The following PSME4 variants were observed in gnomAD, a reference collection of about 807,000 sequenced individuals.
PSME4 encodes the protein proteasome activator complex subunit 4.
Under a neutral mutation model 253.9 loss-of-function variants are expected in PSME4, and 89 were observed. That is an observed-to-expected ratio of 0.35 (90% CI 0.30 to 0.42). The LOEUF is 0.42. Among genes scored for constraint, PSME4 ranks in the 10% least tolerant of loss-of-function variants. The pLI is 1.00. For missense variants in PSME4, 2,014 were observed against 2,195.2 expected (o/e 0.92, Z 1.65); for synonymous variants, 851 against 759.2 (o/e 1.12, Z -1.99).
intron 1 of PSME4, among the ~76,000 whole-genome samples, chr2:53,964,707 A>G (rs1247419013): frequency 3.3e-5 from 5 of 152,188 alleles, no homozygotes; most frequent in African/African-American, 1.2e-4. Flanking sequence ...TTCTTTCCCA[A>G]CACGGGGATG....
At chr2:53,940,988 T>TTTAA (rs1669423654) in intron 3 of PSME4, among the ~76,000 whole-genome samples, 3 of 90,350 alleles carry the variant, frequency 3.3e-5, no homozygotes, top group South Asian at 3.9e-4. Flanking sequence ...TATATATATA[T>TTTAA]ATATATATAT....
chr2:53,955,378 G>A (rs1670183676), intron 1 of PSME4, among the ~76,000 whole-genome samples: 1 of 152,032 alleles, frequency 6.6e-6, no homozygotes, highest in African/African-American at 2.4e-5. Flanking sequence ...TAGGTTTTCT[G>A]CAATTTTTTA....
intron 3 of PSME4, among the ~76,000 whole-genome samples, chr2:53,944,527 ATAC>A (rs1669612769): frequency 6.6e-6 from 1 of 152,212 alleles, no homozygotes; most frequent in Non-Finnish European, 1.5e-5. Context: ...TGTTCTCCAA[ATAC>A]TACATTAAAA....
chr2:53,959,279 C>T (rs902825755), intron 1 of PSME4, among the ~76,000 whole-genome samples: 2 of 152,010 alleles, frequency 1.3e-5, no homozygotes, highest in Non-Finnish European at 2.9e-5. Context: ...GCAGGAGAAT[C>T]GCTGGAACCC....
chr2:53,919,370 C>A, intron 19 of PSME4, 124 bp from the exon 20 acceptor site: 1 of 1,268,024 alleles, frequency 7.9e-7, no homozygotes, highest in Non-Finnish European at 1.0e-6. Context: ...TAGCAAATGT[C>A]TTCAGTTTAC....
At chr2:53,876,111 TAATATAAAATATGTGGCG>T (rs1460198537) in intron 41 of PSME4, among the ~76,000 whole-genome samples, 7 of 152,242 alleles carry the variant, frequency 4.6e-5, no homozygotes, top group African/African-American at 1.7e-4. Flanking sequence ...GTTACAGTTA[TAATATAAAATATGTGGCG>T]GTACTCAGAT....
intron 4 of PSME4, among the ~76,000 whole-genome samples, chr2:53,938,857 T>G (rs113678747): frequency 1.4e-4 from 21 of 152,214 alleles, no homozygotes; most frequent in Non-Finnish European, 2.5e-4. Flanking sequence ...TGTAACAGGT[T>G]GGAATTTTAA....
chr2:53,957,303 T>C (rs997708100), intron 1 of PSME4, among the ~76,000 whole-genome samples: 3 of 152,246 alleles, frequency 2.0e-5, no homozygotes, highest in Non-Finnish European at 2.9e-5. Context: ...ACTTTATTTC[T>C]ATTATTATTA....
chr2:53,955,911 C>T (rs960730707), intron 1 of PSME4, among the ~76,000 whole-genome samples: 15 of 151,926 alleles, frequency 9.9e-5, no homozygotes, highest in African/African-American at 3.1e-4. Context: ...AACAGTGAGA[C>T]CTTAGTCCCC....
At chr2:53,904,715 G>A (rs189785186) in intron 26 of PSME4, among the ~76,000 whole-genome samples, 63 of 152,228 alleles carry the variant, frequency 4.1e-4, no homozygotes, top group East Asian at 1.9e-3. Flanking sequence ...TAGGATGGGC[G>A]CAGTGGCTCA....
chr2:53,950,445 G>C (rs1276621613), intron 1 of PSME4, among the ~76,000 whole-genome samples: 2 of 152,024 alleles, frequency 1.3e-5, no homozygotes, highest in East Asian at 3.8e-4. Context: ...ATACAATTAG[G>C]TTATACCAAA....
At position 53,890,188 on chromosome 2, in the gene PSME4, A is replaced by G; in HGVS notation, c.4212T>C (p.Leu1404=). The G allele has an allele frequency of 6.2e-7, 1 of 1,613,002 alleles. No individual in the cohort carries two copies. Among genetic ancestry groups the G allele is most frequent in the Non-Finnish European group, 8.5e-7 (1 of 1,179,650 alleles). The change falls in exon 37 of 47, where the codon CTT becomes CTC. Residue 1404 remains leucine (L), a synonymous_variant. Coordinates refer to ENST00000404125, the MANE Select transcript of PSME4 (RefSeq NM_014614.3). ...TFEKVEKLWE[L]LCPLLRTALS... is the part of the protein sequence containing the mutation. ...GTGCTGTTCTAAGCAGAGGGCACAG[A>G]AGCTCCCAAAGCTTCTCCACCTACT...
intron 16 of PSME4, 56 bp from the exon 17 acceptor site, chr2:53,922,640 G>C: frequency 6.4e-7 from 1 of 1,557,102 alleles, no homozygotes; most frequent in Non-Finnish European, 8.7e-7. Context: ...ACTAAATATA[G>C]CATTTTAAAA....
chr2:53,873,157 C>T (rs1054492156), intron 43 of PSME4, among the ~76,000 whole-genome samples: 5 of 148,296 alleles, frequency 3.4e-5, no homozygotes, highest in South Asian at 2.1e-4. Context: ...AGGAGAATGG[C>T]GTGAACCCAG....
In PSME4 at chr2:53,898,012, A is replaced by C; in HGVS notation, c.3477-13T>G. On this transcript the variant is annotated splice_polypyrimidine_tract_variant and intron_variant, in intron 30 of 46. Transcript: ENST00000404125. ...AAATTTCCAGGGCCTTAAAAGGAGG[A>C]AAAATAACAAAGCATATCACACATA... 4 of 1,609,444 alleles carry C rather than the reference A, an allele frequency of 2.5e-6. No individual in the cohort carries two copies. The highest frequency in any genetic ancestry group is 3.4e-6 in the Non-Finnish European group (4 of 1,178,502).
At chr2:53,955,481 C>T (rs920630620) in intron 1 of PSME4, among the ~76,000 whole-genome samples, 8 of 152,228 alleles carry the variant, frequency 5.3e-5, no homozygotes, top group African/African-American at 1.9e-4. Context: ...AGATTAGACA[C>T]CCATGCTTTA....
Position 53,922,529 on chromosome 2 carries a change from T to G in PSME4, c.2034A>C (p.Gln678His). ...AGATTTACAATACCTCAGACAAAAG[T>G]TGAAGATTCCATAGTAATTCCTTGT... ...ELDKELLWNLQLLSEITRVDG... is the reference protein window; with the variant it reads ...ELDKELLWNLHLLSEITRVDG... Residue 678 changes from glutamine (Q) to histidine (H), a missense_variant, in exon 17 of 47, where the codon CAA becomes CAC. Gln to His is a conservative substitution (Grantham distance 24). Around this residue, in one of 4 missense-constraint regions of PSME4, gnomAD observed 989 missense variants for 1,021.1 expected, o/e 0.97. Coordinates refer to ENST00000404125, the MANE Select transcript of PSME4 (RefSeq NM_014614.3). 1 of 1,612,748 alleles carries G rather than the reference T, an allele frequency of 6.2e-7. No homozygotes were observed. Among genetic ancestry groups the G allele is most frequent in the South Asian group, 1.1e-5 (1 of 90,686 alleles).
In PSME4 at chr2:53,894,979, T is replaced by C. The variant is rs137886601; in HGVS notation, c.3912+28A>G. The stretch of plus-strand genomic sequence containing the variant: ...ATCAGTGGCCCAAAACAAGATGCAT[T>C]TGAACCATGGTGAAATGGAATGCTT... On this transcript the variant is annotated intron_variant, in intron 34 of 46. Transcript: ENST00000404125. The C allele has an allele frequency of 8.8e-5, 140 of 1,587,026 alleles. No homozygotes were observed. In the African/African-American group the frequency reaches 1.5e-3, roughly 17 times the overall value.
chr2:53,896,668 C>A, intron 32 of PSME4, 136 bp downstream of exon 32: 1 of 649,472 alleles, frequency 1.5e-6, no homozygotes, highest in Non-Finnish European at 2.7e-6. Flanking sequence ...CAACTGTTTC[C>A]TTCATAATAT....
Sources: gnomAD v4.1 joint callset for allele counts (sites outside exome capture counted in the v4.1 genomes callset) on GRCh38, gnomAD v4.1.1 for gene constraint, gnomAD v4.1.1 regional missense constraint, MANE v1.5 for transcripts, NCBI Gene and HGNC (gene_info 2026-07-23, HGNC 2026-07-21) for gene names.